Variants in GPR26 observed in about 807,000 individuals in gnomAD.
GPR26 encodes the protein G protein-coupled receptor 26.
In GPR26, 15 loss-of-function variants were observed where a neutral mutation model predicts 23.1. The observed-to-expected ratio is 0.65, with a 90% confidence interval of 0.43 to 1.00. GPR26 has a LOEUF of 1.00. Among genes scored for constraint, GPR26 ranks in the 50% least tolerant of loss-of-function variants. The probability of loss-of-function intolerance (pLI) is 0.00; values close to 1 mark genes in which losing one functional copy is unlikely to be tolerated. For missense variants in GPR26, 359 were observed against 470.5 expected (o/e 0.76, Z 2.19); for synonymous variants, 228 against 222.1 (o/e 1.03, Z -0.24).
chr10:123,671,295 C>G (rs1210023939), intron 1 of GPR26, among the ~76,000 whole-genome samples: 4 of 152,176 alleles, frequency 2.6e-5, no homozygotes, highest in Non-Finnish European at 5.9e-5. Flanking sequence ...TGACTGGAGC[C>G]GCTGGGGAAC....
At chr10:123,682,066 C>T (rs772551865) in intron 2 of GPR26, among the ~76,000 whole-genome samples, 6 of 152,282 alleles carry the variant, frequency 3.9e-5, no homozygotes, top group Non-Finnish European at 7.3e-5. Context: ...CTGGGGCAGG[C>T]GCTGGAAACA....
At chr10:123,687,136 T>A (rs1291100082) in intron 2 of GPR26, among the ~76,000 whole-genome samples, 3 of 151,960 alleles carry the variant, frequency 2.0e-5, no homozygotes, top group Non-Finnish European at 4.4e-5. Flanking sequence ...GCTGTGTCTT[T>A]CCTTGCCCTC....
intron 1 of GPR26, among the ~76,000 whole-genome samples, chr10:123,669,407 C>T (rs1457508216): frequency 6.6e-6 from 1 of 152,216 alleles, no homozygotes; most frequent in Non-Finnish European, 1.5e-5. Context: ...CTCTTCCTCC[C>T]TACAAATGAG....
chr10:123,667,103 G>T (rs1326829575), intron 1 of GPR26, 28 bp downstream of exon 1: 2 of 1,513,424 alleles, frequency 1.3e-6, no homozygotes, highest in Non-Finnish European at 1.8e-6. Flanking sequence ...AAGGCTCTGG[G>T]AACAGCCGCG....
Position 123,689,973 on chromosome 10 carries a change from A to C in GPR26, c.*1813A>C, listed in dbSNP as rs1845473429. On this transcript the variant is annotated 3_prime_UTR_variant, in exon 3 of 3. Coordinates refer to ENST00000284674, the MANE Select transcript of GPR26 (RefSeq NM_153442.4). ...TCTGGGGCATCATGTCGGTAGCTGA[A>C]GTCAGCCACGGTGGGAGTGTTTATA... 1 of 152,124 alleles carries C rather than the reference A, an allele frequency of 6.6e-6. No individual in the cohort carries two copies. The highest frequency in any genetic ancestry group is 2.4e-5 in the African/African-American group (1 of 41,428). The allele number at this position is 152,124 out of a possible 1,614,324, so 9.4% of individuals were successfully genotyped here. A position where few individuals can be genotyped will look rare whatever the true frequency, so the allele number is the denominator to read the frequency against.
chr10:123,688,051 G>A lies in GPR26; in HGVS notation c.905G>A (p.Arg302His), dbSNP rs141519939. The change falls in exon 3 of 3, where the codon CGC becomes CAC. Residue 302 changes from arginine to histidine, a missense_variant. Physicochemically the swap from Arg to His is conservative, Grantham distance 29. Transcript: ENST00000284674. The part of the protein sequence containing the change: ...FVYSLLRHQY[R>H]KSCKEILNRL... Reference sequence around the variant, plus strand: ...TACTCCTTACTGCGACACCAGTACCGCAAAAGCTGCAAGGAGATTCTGAAC... The same window carrying A: ...TACTCCTTACTGCGACACCAGTACCACAAAAGCTGCAAGGAGATTCTGAAC... 18 of 1,613,912 alleles carry A rather than the reference G, an allele frequency of 1.1e-5. No homozygotes were observed. Among genetic ancestry groups the A allele is most frequent in the African/African-American group, 1.3e-5 (1 of 75,034 alleles).
At chr10:123,683,049 T>A (rs112650082) in intron 2 of GPR26, among the ~76,000 whole-genome samples, 1 of 142,764 alleles carries the variant, frequency 7.0e-6, no homozygotes, top group African/African-American at 2.6e-5. Flanking sequence ...TGTGTGTGTG[T>A]GAGTGAGAGA....
chr10:123,677,644 C>T (rs1845324623), intron 2 of GPR26, among the ~76,000 whole-genome samples: 1 of 152,190 alleles, frequency 6.6e-6, no homozygotes, highest in African/African-American at 2.4e-5. Flanking sequence ...ATCTTGTAGT[C>T]CTCTAACCCA....
intron 2 of GPR26, among the ~76,000 whole-genome samples, chr10:123,686,153 T>G (rs1014357472): frequency 2.0e-5 from 3 of 152,238 alleles, no homozygotes; most frequent in Admixed American, 2.0e-4. Context: ...ATCTGGTTCT[T>G]TCAATAAATC....
chr10:123,688,319 G>A lies in GPR26; in HGVS notation c.*159G>A. ...GTAGGGGCTCCAGAGCCTGCTTCCT[G>A]GTTCCTCAAGGGCAGATATTGGACA... On this transcript the variant is annotated 3_prime_UTR_variant, in exon 3 of 3. Transcript: ENST00000284674. 1 of 615,818 alleles carries A rather than the reference G, an allele frequency of 1.6e-6. No homozygotes were observed. The highest frequency in any genetic ancestry group is 2.9e-6 in the Non-Finnish European group (1 of 346,616). The allele number at this position is 615,818 out of a possible 1,614,324, so 38.1% of individuals were successfully genotyped here. A position where few individuals can be genotyped will look rare whatever the true frequency, so the allele number is the denominator to read the frequency against.
intron 2 of GPR26, among the ~76,000 whole-genome samples, chr10:123,682,495 C>A (rs1451523579): frequency 1.3e-5 from 2 of 152,182 alleles, no homozygotes; most frequent in Admixed American, 1.3e-4. Context: ...TCCTCAAAGC[C>A]CTAGGTCACA....
At chr10:123,687,754 C>A (rs1845443956) in intron 2 of GPR26, among the ~76,000 whole-genome samples, 175 bp from the exon 3 acceptor site, 1 of 152,306 alleles carries the variant, frequency 6.6e-6, no homozygotes, top group Non-Finnish European at 1.5e-5. Flanking sequence ...GATGAATGTT[C>A]ACCATCATCA....
At chr10:123,669,474 C>G (rs1467453747) in intron 1 of GPR26, among the ~76,000 whole-genome samples, 1 of 152,220 alleles carries the variant, frequency 6.6e-6, no homozygotes, top group Admixed American at 6.5e-5. Flanking sequence ...AGGCAGTGAG[C>G]CTCTCAGGGC....
In GPR26 at chr10:123,695,126, C is replaced by T. The variant is rs1267413817; in HGVS notation, c.*6966C>T. Among the ~76,000 whole-genome samples the T allele has an allele frequency of 6.6e-6, 1 of 152,224 alleles. No individual in the cohort carries two copies. Among genetic ancestry groups the T allele is most frequent in the Non-Finnish European group, 1.5e-5 (1 of 68,038 alleles). On this transcript the variant is annotated 3_prime_UTR_variant, in exon 3 of 3. Coordinates refer to ENST00000284674, the MANE Select transcript of GPR26 (RefSeq NM_153442.4). ...CACCTATCTCCGGGTGTTGCCCGTA[C>T]AGTGTGTCATGTAAATAGCATCTAG...
In GPR26 at chr10:123,667,789, T is replaced by A. The variant is rs35976127; in HGVS notation, c.668+714T>A. Among the ~76,000 whole-genome samples the A allele has an allele frequency of 2.4e-3, 360 of 152,240 alleles. 7 individuals carry two copies. In the East Asian group the frequency reaches 0.033, roughly 14 times the overall value. ...TCTGCCCCCACCTCCGTCGTCACGC[T>A]GGCTGCTGTTCTCAGGAGGGCAGAT... On this transcript the variant is annotated intron_variant, in intron 1 of 2. Coordinates refer to ENST00000284674, the MANE Select transcript of GPR26 (RefSeq NM_153442.4).
Position 123,695,760 on chromosome 10 carries a change from C to T in GPR26, c.*7600C>T, listed in dbSNP as rs1460143121. On this transcript the variant is annotated 3_prime_UTR_variant, in exon 3 of 3. Coordinates refer to ENST00000284674, the MANE Select transcript of GPR26 (RefSeq NM_153442.4). ...GCTTGAATTATTAATAGTAACCAAACTCTCTGCTCTAACAACCTTCGAATG... is the reference window on the plus strand; with the variant it reads ...GCTTGAATTATTAATAGTAACCAAATTCTCTGCTCTAACAACCTTCGAATG... Among the ~76,000 whole-genome samples, 1 of 152,202 alleles carries T rather than the reference C, an allele frequency of 6.6e-6. No homozygotes were observed. The highest frequency in any genetic ancestry group is 1.5e-5 in the Non-Finnish European group (1 of 68,038).
At chr10:123,669,665 T>C (rs1845228735) in intron 1 of GPR26, among the ~76,000 whole-genome samples, 1 of 152,204 alleles carries the variant, frequency 6.6e-6, no homozygotes, top group African/African-American at 2.4e-5. Flanking sequence ...GGACCCAGGG[T>C]GGCATTTGTC....
rs571132805 is a variant in GPR26, at chr10:123,691,116, G to A, written c.*2956G>A. Reference sequence around the variant, plus strand: ...TTTTAAGTCACGCTGCAACTATTCCGGCTTTTTATATGGCACCTTTCTGAG... The same window carrying A: ...TTTTAAGTCACGCTGCAACTATTCCAGCTTTTTATATGGCACCTTTCTGAG... On this transcript the variant is annotated 3_prime_UTR_variant, in exon 3 of 3. Transcript: ENST00000284674. The A allele has an allele frequency of 3.3e-5, 5 of 152,212 alleles. No homozygotes were observed. Among genetic ancestry groups the A allele is most frequent in the South Asian group, 4.1e-4 (2 of 4,820 alleles). 9.4% of individuals were successfully genotyped at this position (152,212 alleles called of 1,614,324 possible).
At chr10:123,672,515 C>T (rs1845263139) in intron 1 of GPR26, among the ~76,000 whole-genome samples, 1 of 152,070 alleles carries the variant, frequency 6.6e-6, no homozygotes, top group Non-Finnish European at 1.5e-5. Flanking sequence ...CCAGCACAAG[C>T]ATCAGATCTC....
Sources: gnomAD v4.1 joint callset for allele counts (sites outside exome capture counted in the v4.1 genomes callset) on GRCh38, gnomAD v4.1.1 for gene constraint, MANE v1.5 for transcripts, NCBI Gene and HGNC (gene_info 2026-07-23, HGNC 2026-07-21) for gene names.